PIGX: variants seen among roughly 807,000 people sequenced by gnomAD.
PIGX encodes phosphatidylinositol glycan anchor biosynthesis class X.
A neutral mutation model predicts 28.7 loss-of-function variants in PIGX; 24 were observed. The observed-to-expected ratio is 0.84, with a 90% CI of 0.60 to 1.17. PIGX has a LOEUF of 1.17. Ranked by LOEUF, PIGX falls within the 50% of genes most tolerant of loss-of-function variation. The pLI is 0.00. For synonymous variants in PIGX, 127 were observed against 121.0 expected, an observed-to-expected ratio of 1.05 and a Z score of -0.33; for missense variants, 305 against 317.8, an observed-to-expected ratio of 0.96 and a Z score of 0.31.
chr3:196,734,060 C>G lies in PIGX; in HGVS notation c.*158C>G. On this transcript the variant is annotated 3_prime_UTR_variant, in exon 6 of 6. Coordinates refer to ENST00000392391, the MANE Select transcript of PIGX (RefSeq NM_017861.4). ...ATTTGGGATCATTCTCAGCTAATTC[C>G]AAAATGTAGTGCTCTATTGCATGGA... is the stretch of plus-strand genomic sequence containing the variant. 3 of 587,130 alleles carry G rather than the reference C, an allele frequency of 5.1e-6. No homozygotes were observed. The South Asian group carries it at 6.6e-5, about 13-fold the overall frequency. The allele number at this position is 587,130 out of a possible 1,614,324, so 36.4% of individuals were successfully genotyped here.
chr3:196,727,223 G>A (rs551931693), intron 3 of PIGX, among the ~76,000 whole-genome samples: 1 of 152,252 alleles, frequency 6.6e-6, no homozygotes, highest in East Asian at 1.9e-4. Flanking sequence ...ATATGTGAGT[G>A]TGTGTACATA....
At chr3:196,731,169 T>A in intron 5 of PIGX, 77 bp downstream of exon 5, 4 of 807,970 alleles carry the variant, frequency 5.0e-6, no homozygotes, top group Non-Finnish European at 8.0e-6. Context: ...CTGCCACATT[T>A]AAGAGATTAG....
intron 5 of PIGX, among the ~76,000 whole-genome samples, chr3:196,732,726 T>C (rs918973692): frequency 6.6e-6 from 1 of 152,222 alleles, no homozygotes. Flanking sequence ...GGTTGGTTAC[T>C]TGTATTTTTT....
chr3:196,720,385 T>C (rs1375272404), intron 2 of PIGX, among the ~76,000 whole-genome samples: 1 of 152,268 alleles, frequency 6.6e-6, no homozygotes, highest in Admixed American at 6.5e-5. Flanking sequence ...ATTTCCCTTC[T>C]TTTTAAAGCT....
rs898191970 is a variant in PIGX, at chr3:196,735,541, G to C, written c.*1639G>C. On this transcript the variant is annotated 3_prime_UTR_variant, in exon 6 of 6. Transcript: ENST00000392391. ...CTAGTCCTAACAGTTCTTTTTAAAC[G>C]TGTATTTGAGACTTAAATATTGGAA... is the stretch of plus-strand genomic sequence containing the variant. 1 of 151,964 alleles carries C rather than the reference G, an allele frequency of 6.6e-6. No homozygotes were observed. Among genetic ancestry groups the C allele is most frequent in the Non-Finnish European group, 1.5e-5 (1 of 68,014 alleles). 9.4% of individuals were successfully genotyped at this position (151,964 alleles called of 1,614,324 possible).
chr3:196,721,655 C>T (rs1383250176), intron 2 of PIGX, among the ~76,000 whole-genome samples: 2 of 152,054 alleles, frequency 1.3e-5, no homozygotes, highest in Non-Finnish European at 2.9e-5. Flanking sequence ...AGGCTGGTCT[C>T]AAACTCCTGG....
At chr3:196,718,337 G>T (rs897836973) in intron 2 of PIGX, among the ~76,000 whole-genome samples, 4 of 151,722 alleles carry the variant, frequency 2.6e-5, no homozygotes, top group African/African-American at 9.7e-5. Flanking sequence ...GGGGGGGAAG[G>T]GTATAGTTAT....
At chr3:196,722,020 A>G (rs1170945815) in intron 2 of PIGX, among the ~76,000 whole-genome samples, 1 of 152,178 alleles carries the variant, frequency 6.6e-6, no homozygotes. Flanking sequence ...CCAAAGTGCT[A>G]GGATTATAGG....
chr3:196,717,207 A>G (rs973217303), intron 2 of PIGX, among the ~76,000 whole-genome samples: 1 of 151,318 alleles, frequency 6.6e-6, no homozygotes, highest in Non-Finnish European at 1.5e-5. Context: ...AGGCTGAGGC[A>G]GGAGAATCAC....
intron 3 of PIGX, among the ~76,000 whole-genome samples, chr3:196,725,905 A>G (rs1007918981): frequency 3.9e-5 from 6 of 152,222 alleles, no homozygotes; most frequent in Admixed American, 6.5e-5. Flanking sequence ...AAAAATATCA[A>G]ACTTTTTCTA....
chr3:196,713,243 T>C (rs1314426985), intron 1 of PIGX: 1 of 257,046 alleles, frequency 3.9e-6, no homozygotes, highest in Admixed American at 6.5e-5. Context: ...TCAGTGCAGT[T>C]CTGCTTGTGT....
In PIGX at chr3:196,712,474, C is replaced by T. The variant is rs1428976874; in HGVS notation, c.-59C>T. On this transcript the variant is annotated 5_prime_UTR_variant, in exon 1 of 6. Coordinates refer to ENST00000392391, the MANE Select transcript of PIGX (RefSeq NM_017861.4). ...GGTAGGAGCTGCGGGCGGCCAGGCCCCTTCCTGCGTCCGCACCTGGCCCCG... is the reference window on the plus strand; with the variant it reads ...GGTAGGAGCTGCGGGCGGCCAGGCCTCTTCCTGCGTCCGCACCTGGCCCCG... 7 of 838,160 alleles carry T rather than the reference C, an allele frequency of 8.4e-6. No individual in the cohort carries two copies. Among genetic ancestry groups the T allele is most frequent in the Middle Eastern group, 4.5e-4 (1 of 2,220 alleles). 51.9% of individuals were successfully genotyped at this position (838,160 alleles called of 1,614,324 possible).
chr3:196,713,826 G>T (rs954369121), intron 1 of PIGX, among the ~76,000 whole-genome samples: 15 of 132,954 alleles, frequency 1.1e-4, no homozygotes, highest in Non-Finnish European at 2.2e-4. Flanking sequence ...GACAGAGGGA[G>T]ACTCTGTCTC....
At chr3:196,729,643 T>C (rs920730599) in intron 4 of PIGX, among the ~76,000 whole-genome samples, 1 of 150,156 alleles carries the variant, frequency 6.7e-6, no homozygotes, top group African/African-American at 2.4e-5. Context: ...CGCCTCGGCC[T>C]CCCAAAGTGC....
At chr3:196,728,865 T>G in intron 4 of PIGX, 1 of 704,688 alleles carries the variant, frequency 1.4e-6, no homozygotes, top group South Asian at 1.5e-5. Flanking sequence ...TTTTTGTTTC[T>G]TGTTATCAGT....
chr3:196,716,218 TAA>T (rs938018807), intron 1 of PIGX, among the ~76,000 whole-genome samples: 6 of 152,204 alleles, frequency 3.9e-5, no homozygotes, highest in Non-Finnish European at 8.8e-5. Flanking sequence ...GTGCTTATTC[TAA>T]GTTTACAGTG....
At chr3:196,725,540 T>C (rs1712486257) in intron 3 of PIGX, among the ~76,000 whole-genome samples, 1 of 152,098 alleles carries the variant, frequency 6.6e-6, no homozygotes, top group Non-Finnish European at 1.5e-5. Flanking sequence ...CAGGCCAAGG[T>C]AACTAGAATT....
At chr3:196,727,622 T>C (rs1054436383) in intron 3 of PIGX, among the ~76,000 whole-genome samples, 4 of 152,212 alleles carry the variant, frequency 2.6e-5, no homozygotes, top group Non-Finnish European at 5.9e-5. Flanking sequence ...TAGGTACCTA[T>C]TTTGTCACCT....
Position 196,732,241 on chromosome 3 carries a change from TATATA to T in PIGX, c.633+1150_633+1154del, listed in dbSNP as rs1191425319. Among the ~76,000 whole-genome samples, 7 of 64,814 alleles carry T rather than the reference TATATA, an allele frequency of 1.1e-4. 1 individual carries two copies. The highest frequency in any genetic ancestry group is 2.7e-4 in the African/African-American group (4 of 14,924). 42.5% of individuals were successfully genotyped at this position (64,814 alleles called of 152,430 possible). ...TTATATATATATATATATATATATA[TATATA>T]TATATATATATTTTATTTTATTTTA... On this transcript the variant is annotated intron_variant, in intron 5 of 5. Coordinates refer to ENST00000392391, the MANE Select transcript of PIGX (RefSeq NM_017861.4).
Sources: allele counts gnomAD v4.1 joint callset (sites outside exome capture counted in the v4.1 genomes callset), GRCh38; gene constraint gnomAD v4.1.1; transcripts MANE v1.5; gene names NCBI Gene and HGNC (gene_info 2026-07-23, HGNC 2026-07-21).